The following IL1RL1 variants were observed in gnomAD, a reference collection of about 807,000 sequenced individuals.
IL1RL1 encodes the protein interleukin 1 receptor like 1.
Under a neutral mutation model 50.9 loss-of-function variants are expected in IL1RL1, and 32 were observed. The observed-to-expected ratio is 0.63, with a 90% CI of 0.47 to 0.84. IL1RL1 has a LOEUF of 0.84. IL1RL1 is among the 40% of genes least tolerant of loss of function. The pLI is 0.00. For synonymous variants in IL1RL1, 275 were observed against 236.0 expected, an observed-to-expected ratio of 1.17 and a Z score of -1.51; for missense variants, 773 against 662.9, an observed-to-expected ratio of 1.17 and a Z score of -1.82.
chr2:102,344,840 A>G, intron 8 of IL1RL1: 1 of 957,316 alleles, frequency 1.0e-6, no homozygotes, highest in Non-Finnish European at 1.2e-6. Flanking sequence ...AACTTTCCTC[A>G]TCATTTGGAA....
intron 1 of IL1RL1, among the ~76,000 whole-genome samples, chr2:102,330,262 T>C (rs1401553969): frequency 6.6e-6 from 1 of 151,364 alleles, no homozygotes; most frequent in Non-Finnish European, 1.5e-5. Flanking sequence ...ACACCACATG[T>C]TCTCACTCAT....
At chr2:102,320,302 A>G (rs534652472) in intron 1 of IL1RL1, among the ~76,000 whole-genome samples, 36 of 152,270 alleles carry the variant, frequency 2.4e-4, no homozygotes, top group Admixed American at 8.5e-4. Context: ...GCAGTGTTGT[A>G]TGCAGAGATC....
At chr2:102,351,412 G>A (rs1356136850) in intron 10 of IL1RL1, 124 bp from the exon 11 acceptor site, 3 of 843,688 alleles carry the variant, frequency 3.6e-6, no homozygotes, top group Non-Finnish European at 5.5e-6. Flanking sequence ...ACTTCTCTGA[G>A]TAAGTGACTT....
chr2:102,312,003 T>A lies in IL1RL1; in HGVS notation c.-150+380T>A, dbSNP rs13404223. On this transcript the variant is annotated intron_variant, in intron 1 of 10. Coordinates refer to ENST00000233954, the MANE Select transcript of IL1RL1 (RefSeq NM_016232.5). ...ATAATATATATTATATATAATATAT[T>A]TATATATATTATATATAATATATAT... is the stretch of plus-strand genomic sequence containing the variant. Among the ~76,000 whole-genome samples, 45 of 10,916 alleles carry A rather than the reference T, an allele frequency of 4.1e-3. 2 individuals are homozygous for A. Among genetic ancestry groups the A allele is most frequent in the African/African-American group, 0.027 (40 of 1,456 alleles). The allele number at this position is 10,916 out of a possible 152,430, so 7.2% of individuals were successfully genotyped here.
At chr2:102,313,826 C>T (rs775612030) in intron 1 of IL1RL1, among the ~76,000 whole-genome samples, 7 of 152,068 alleles carry the variant, frequency 4.6e-5, no homozygotes, top group African/African-American at 9.7e-5. Context: ...TGTGTGTGCA[C>T]GAGTGTGTGT....
chr2:102,350,152 T>C (rs112827575), intron 10 of IL1RL1, among the ~76,000 whole-genome samples: 10 of 152,360 alleles, frequency 6.6e-5, no homozygotes, highest in African/African-American at 2.4e-4. Flanking sequence ...GGCTCTCTTC[T>C]TCCCCCATTT....
chr2:102,325,776 A>G (rs958523690), intron 1 of IL1RL1, among the ~76,000 whole-genome samples: 6 of 152,226 alleles, frequency 3.9e-5, no homozygotes, highest in Non-Finnish European at 7.3e-5. Context: ...AATGAATGAA[A>G]CGAAGTGAGA....
intron 1 of IL1RL1, among the ~76,000 whole-genome samples, chr2:102,321,393 C>G (rs892754264): frequency 6.6e-6 from 1 of 152,146 alleles, no homozygotes; most frequent in African/African-American, 2.4e-5. Context: ...ATAACCCTCA[C>G]TGGTTGTCTG....
chr2:102,345,546 C>T, intron 8 of IL1RL1: 1 of 985,388 alleles, frequency 1.0e-6, no homozygotes, highest in Non-Finnish European at 1.2e-6. Flanking sequence ...TCCAGATACA[C>T]AGAGAGAGGC....
At chr2:102,314,313 T>C (rs1573124994) in intron 1 of IL1RL1, among the ~76,000 whole-genome samples, 1 of 152,292 alleles carries the variant, frequency 6.6e-6, no homozygotes, top group East Asian at 1.9e-4. Context: ...CCAATGCTTG[T>C]GAGGGCCCCA....
chr2:102,332,807 G>A (rs1559600058), intron 1 of IL1RL1, among the ~76,000 whole-genome samples: 1 of 151,634 alleles, frequency 6.6e-6, no homozygotes, highest in Admixed American at 6.6e-5. Context: ...TTAATTTTAT[G>A]TTATGTAAAT....
intron 1 of IL1RL1, among the ~76,000 whole-genome samples, chr2:102,313,813 A>ATGTGTGTGTGCACGAGTG (rs1317457881): frequency 1.3e-5 from 2 of 152,148 alleles, no homozygotes; most frequent in African/African-American, 2.4e-5. Flanking sequence ...GGGAGCATGC[A>ATGTGTGTGTGCACGAGTG]TGTGTGTGTG....
At chr2:102,336,709 A>T (rs537666802) in intron 1 of IL1RL1, among the ~76,000 whole-genome samples, 7 of 151,628 alleles carry the variant, frequency 4.6e-5, no homozygotes, top group Non-Finnish European at 1.0e-4. Flanking sequence ...TTCTTCATCC[A>T]GGCAGAGAGG....
chr2:102,339,155 A>G, intron 3 of IL1RL1, 108 bp downstream of exon 3: 1 of 726,786 alleles, frequency 1.4e-6, no homozygotes, highest in South Asian at 1.7e-5. Flanking sequence ...TTTCTGGAAC[A>G]GTTAAATTTA....
rs1232354400 is a variant in IL1RL1 at position 102,350,085 on chromosome 2, C to T, written c.1285+839C>T. On this transcript the variant is annotated intron_variant, in intron 10 of 10. Transcript: ENST00000233954. ...GGAATGCTAATAGCCTCAATAACGG[C>T]TCAAGAGACTTGTGAAAGATACAAT... is the stretch of plus-strand genomic sequence containing the variant. Among the ~76,000 whole-genome samples, 3 of 95,304 alleles carry T rather than the reference C, an allele frequency of 3.1e-5. 1 individual carries two copies. Among genetic ancestry groups the T allele is most frequent in the South Asian group, 5.1e-4 (2 of 3,916 alleles). 62.5% of individuals were successfully genotyped at this position (95,304 alleles called of 152,430 possible).
chr2:102,341,840 T>G (rs922128261), intron 5 of IL1RL1, among the ~76,000 whole-genome samples: 2 of 152,286 alleles, frequency 1.3e-5, no homozygotes, highest in East Asian at 1.9e-4. Flanking sequence ...TGTGGACTCA[T>G]CCATTTATTA....
At chr2:102,323,403 T>C (rs990287577) in intron 1 of IL1RL1, among the ~76,000 whole-genome samples, 1 of 151,992 alleles carries the variant, frequency 6.6e-6, no homozygotes, top group African/African-American at 2.4e-5. Context: ...TGTTTTGTAT[T>C]GCTATAAAAT....
intron 1 of IL1RL1, among the ~76,000 whole-genome samples, chr2:102,320,110 G>A (rs976893827): frequency 6.6e-6 from 1 of 152,210 alleles, no homozygotes; most frequent in African/African-American, 2.4e-5. Flanking sequence ...GTTTTGTCCT[G>A]CATTATTTTC....
chr2:102,343,491 G>T, intron 8 of IL1RL1, 76 bp downstream of exon 8: 1 of 1,612,324 alleles, frequency 6.2e-7, no homozygotes, highest in South Asian at 1.1e-5. Flanking sequence ...GTGGTTCCAA[G>T]AGATCCATCA....
Sources: gnomAD v4.1 joint callset for allele counts (sites outside exome capture counted in the v4.1 genomes callset) on GRCh38, gnomAD v4.1.1 for gene constraint, MANE v1.5 for transcripts, NCBI Gene and HGNC (gene_info 2026-07-23, HGNC 2026-07-21) for gene names.